Variants in B4GALT1 observed in about 807,000 individuals in gnomAD.
The protein encoded by B4GALT1 is N-acetyllactosamine synthase.
Under a neutral mutation model 34.9 loss-of-function variants are expected in B4GALT1, and 16 were observed. The observed-to-expected ratio is 0.46, with a 90% CI of 0.31 to 0.70. The LOEUF (loss-of-function observed/expected upper bound fraction) is 0.70. Ranked by LOEUF, B4GALT1 falls within the 30% of genes least tolerant of loss-of-function variation. B4GALT1 has a pLI of 0.05. For missense variants in B4GALT1, 445 were observed against 530.5 expected (o/e 0.84, Z 1.58); for synonymous variants, 221 against 218.1 (o/e 1.01, Z -0.12).
chr9:33,138,552 C>A (rs1445253223), intron 1 of B4GALT1, among the ~76,000 whole-genome samples: 1 of 152,164 alleles, frequency 6.6e-6, no homozygotes, highest in Non-Finnish European at 1.5e-5. Context: ...GCCTTGATCA[C>A]CAAGCGTCAC....
chr9:33,175,731 T>C, the B4GALT1 span, among the ~76,000 whole-genome samples: 10 of 152,368 alleles, frequency 6.6e-5, no homozygotes, highest in Non-Finnish European at 1.5e-4. Flanking sequence ...TGCAGGTTTG[T>C]AGCCTAGGAG....
intron 1 of B4GALT1, 89 bp downstream of exon 1, chr9:33,166,669 G>C (rs1840759687): frequency 1.5e-6 from 2 of 1,340,056 alleles, no homozygotes; most frequent in Non-Finnish European, 2.0e-6. Flanking sequence ...TGTCGTAGAA[G>C]AGCCAGCCTG....
chr9:33,165,383 G>A (rs942906771), intron 1 of B4GALT1, among the ~76,000 whole-genome samples: 3 of 152,178 alleles, frequency 2.0e-5, no homozygotes, highest in Non-Finnish European at 4.4e-5. Context: ...TCGATAGCAT[G>A]TCTCAAGTCA....
rs576876668 is a variant in B4GALT1, at chr9:33,111,767, C to T, written c.*1687G>A. On this transcript the variant is annotated 3_prime_UTR_variant, in exon 6 of 6. Transcript: ENST00000379731. ...GCCCAGGCTGGACCTGGCAAAGGCG[C>T]TCAGTGGTAGGAGTGCCTTGTGTCA... 144 of 152,166 alleles carry T rather than the reference C, an allele frequency of 9.5e-4. No individual in the cohort carries two copies. The highest frequency in any genetic ancestry group is 3.4e-3 in the African/African-American group (141 of 41,308). The allele number at this position is 152,166 out of a possible 1,614,324, so 9.4% of individuals were successfully genotyped here. A position where few individuals can be genotyped will look rare whatever the true frequency, so the allele number is the denominator to read the frequency against.
downstream of B4GALT1, among the ~76,000 whole-genome samples, chr9:33,105,645 C>G (rs540991741): frequency 1.2e-4 from 18 of 152,256 alleles, no homozygotes; most frequent in African/African-American, 4.3e-4. Flanking sequence ...TCCCCATGCC[C>G]CTGACAACCA....
At chr9:33,113,615 T>C in intron 5 of B4GALT1, 29 bp from the exon 6 acceptor site, 2 of 1,614,124 alleles carry the variant, frequency 1.2e-6, no homozygotes, top group South Asian at 1.1e-5. Flanking sequence ...AAGGAGATTG[T>C]CTTAAAACAA....
chr9:33,118,263 G>A (rs1235450006), intron 3 of B4GALT1, among the ~76,000 whole-genome samples: 1 of 152,138 alleles, frequency 6.6e-6, no homozygotes, highest in Non-Finnish European at 1.5e-5. Context: ...TTTTTGATCT[G>A]GGAGAAGGAC....
At chr9:33,169,833 A>G (rs1032200015), upstream of B4GALT1, among the ~76,000 whole-genome samples, 7 of 150,074 alleles carry the variant, frequency 4.7e-5, no homozygotes, top group African/African-American at 1.7e-4. Flanking sequence ...AACCTGCTTG[A>G]TTTTTTTCAG....
At chr9:33,152,764 C>T (rs1339333694) in intron 1 of B4GALT1, among the ~76,000 whole-genome samples, 3 of 152,000 alleles carry the variant, frequency 2.0e-5, no homozygotes, top group Admixed American at 6.5e-5. Context: ...GTCCCAGATA[C>T]TTGGGAGGCT....
the B4GALT1 span, among the ~76,000 whole-genome samples, chr9:33,175,075 GC>G: frequency 7.6e-6 from 1 of 131,578 alleles, no homozygotes; most frequent in African/African-American, 2.8e-5. Flanking sequence ...ACTTTGGGAG[GC>G]CAAGGCAGGA....
chr9:33,142,785 A>T (rs149641823), intron 1 of B4GALT1, among the ~76,000 whole-genome samples: 256 of 152,234 alleles, frequency 1.7e-3, no homozygotes, highest in African/African-American at 5.9e-3. Context: ...TTTCAACAGG[A>T]AACAGAATAC....
chr9:33,162,500 G>T (rs1164115469), intron 1 of B4GALT1, among the ~76,000 whole-genome samples: 2 of 152,144 alleles, frequency 1.3e-5, no homozygotes, highest in Admixed American at 6.6e-5. Flanking sequence ...AGCCGTCACG[G>T]ATATCCATAC....
chr9:33,105,618 C>T (rs1839789999), intron 2 of B4GALT1, among the ~76,000 whole-genome samples: 4 of 152,144 alleles, frequency 2.6e-5, no homozygotes, highest in Admixed American at 1.3e-4. Flanking sequence ...AACAATAACT[C>T]CCCATTCCCC....
At chr9:33,155,163 T>C (rs927197007) in intron 1 of B4GALT1, among the ~76,000 whole-genome samples, 10 of 152,160 alleles carry the variant, frequency 6.6e-5, no homozygotes, top group Admixed American at 1.3e-4. Flanking sequence ...CAATCCTTCA[T>C]CTCATTTTAT....
intron 3 of B4GALT1, among the ~76,000 whole-genome samples, chr9:33,116,454 C>A (rs1408909582): frequency 2.0e-5 from 3 of 151,244 alleles, no homozygotes; most frequent in Non-Finnish European, 2.9e-5. Flanking sequence ...GATCTCTTAA[C>A]CTCGTGATCC....
At chr9:33,146,016 A>G (rs747739611) in intron 1 of B4GALT1, among the ~76,000 whole-genome samples, 1 of 152,280 alleles carries the variant, frequency 6.6e-6, no homozygotes, top group Non-Finnish European at 1.5e-5. Flanking sequence ...CAGAACAGGC[A>G]GCATGACAGT....
At position 33,113,271 on chromosome 9, in the gene B4GALT1, G is replaced by C. The variant is rs72720992; in HGVS notation, c.*183C>G. ...TTGCAGAGCTAAGAATTCACATGCC[G>C]AGCCAAGTTGGGGGCAAAATATCCC... On this transcript the variant is annotated 3_prime_UTR_variant, in exon 6 of 6. Transcript: ENST00000379731. 1.4e-3 allele frequency: 1,144 copies of C among 827,462 alleles called. 1 individual carries two copies. Among genetic ancestry groups the C allele is most frequent in the Non-Finnish European group, 1.8e-3 (937 of 506,524 alleles). 51.3% of individuals were successfully genotyped at this position (827,462 alleles called of 1,614,324 possible).
upstream of B4GALT1, among the ~76,000 whole-genome samples, chr9:33,170,221 C>T (rs1169504287): frequency 6.6e-6 from 1 of 152,048 alleles, no homozygotes; most frequent in Non-Finnish European, 1.5e-5. Flanking sequence ...CTGCCTGCCT[C>T]GGCCTCCCAA....
chr9:33,168,426 G>A (rs1840804390), upstream of B4GALT1, among the ~76,000 whole-genome samples: 1 of 152,198 alleles, frequency 6.6e-6, no homozygotes, highest in Non-Finnish European at 1.5e-5. Flanking sequence ...TAGGGAAGTT[G>A]AGGGCTCTGG....
Sources: gnomAD v4.1 joint callset for allele counts (sites outside exome capture counted in the v4.1 genomes callset) on GRCh38, gnomAD v4.1.1 for gene constraint, MANE v1.5 for transcripts, NCBI Gene and HGNC (gene_info 2026-07-23, HGNC 2026-07-21) for gene names.